Variants in PTPRG observed in about 807,000 individuals in gnomAD.
PTPRG encodes the protein protein tyrosine phosphatase receptor type G, also known as receptor-type tyrosine-protein phosphatase gamma.
Under a neutral mutation model 165.3 loss-of-function variants are expected in PTPRG, and 102 were observed. The observed-to-expected ratio is 0.62, with a 90% CI of 0.53 to 0.73. The LOEUF is 0.73. Ranked by LOEUF, PTPRG falls within the 30% of genes least tolerant of loss-of-function variation. The pLI, the probability that PTPRG is intolerant of heterozygous loss-of-function variation, is 0.00. For synonymous variants in PTPRG, 675 were observed against 669.5 expected, an observed-to-expected ratio of 1.01 and a Z score of -0.13; for missense variants, 1,866 against 1,861.4, an observed-to-expected ratio of 1.00 and a Z score of -0.05.
chr3:62,264,872 C>A (rs1052438150), intron 17 of PTPRG, among the ~76,000 whole-genome samples: 1 of 151,588 alleles, frequency 6.6e-6, no homozygotes. Flanking sequence ...CTATCAAACT[C>A]TTTTCCAAAG....
chr3:62,209,882 A>G (rs1010155065), intron 12 of PTPRG, among the ~76,000 whole-genome samples: 1 of 152,178 alleles, frequency 6.6e-6, no homozygotes, highest in Non-Finnish European at 1.5e-5. Flanking sequence ...TGGAGTCAAG[A>G]ATTCAGGTTG....
chr3:61,576,120 A>G (rs1261923025), intron 1 of PTPRG, among the ~76,000 whole-genome samples: 1 of 152,222 alleles, frequency 6.6e-6, no homozygotes, highest in Non-Finnish European at 1.5e-5. Context: ...GGCTGTTGTC[A>G]TGCTTTCTTC....
intron 28 of PTPRG, 46 bp downstream of exon 28, chr3:62,282,915 T>C: frequency 6.5e-7 from 1 of 1,545,842 alleles, no homozygotes; most frequent in Non-Finnish European, 8.8e-7. Flanking sequence ...GTTTTTTTGT[T>C]TAATTTCTTG....
At chr3:61,883,333 G>A (rs1020752754) in intron 2 of PTPRG, among the ~76,000 whole-genome samples, 2 of 152,152 alleles carry the variant, frequency 1.3e-5, no homozygotes, top group Admixed American at 6.5e-5. Flanking sequence ...GGCTCCTGAT[G>A]TTCCTTGTTT....
chr3:61,572,111 A>G (rs1277072891), intron 1 of PTPRG, among the ~76,000 whole-genome samples: 2 of 152,154 alleles, frequency 1.3e-5, no homozygotes, highest in Admixed American at 1.3e-4. Context: ...TTTTCCTGTG[A>G]GGGTTTGCTT....
chr3:62,064,094 T>C (rs1299555168), intron 4 of PTPRG, among the ~76,000 whole-genome samples: 1 of 151,490 alleles, frequency 6.6e-6, no homozygotes, highest in Non-Finnish European at 1.5e-5. Flanking sequence ...GTTTTGTTCT[T>C]TTTTGGTTTT....
intron 2 of PTPRG, among the ~76,000 whole-genome samples, chr3:61,848,777 T>A (rs1269759896): frequency 6.6e-6 from 1 of 152,288 alleles, no homozygotes; most frequent in East Asian, 1.9e-4. Context: ...CATGTATACA[T>A]GTGTAAAATA....
chr3:61,957,353 T>C (rs559950757), intron 2 of PTPRG, among the ~76,000 whole-genome samples: 8 of 152,372 alleles, frequency 5.3e-5, no homozygotes, highest in African/African-American at 1.7e-4. Context: ...AGTTTTTATA[T>C]GCTTTTTAGT....
chr3:61,927,458 G>T (rs1470617247), intron 2 of PTPRG, among the ~76,000 whole-genome samples: 3 of 152,200 alleles, frequency 2.0e-5, no homozygotes, highest in African/African-American at 7.2e-5. Context: ...CAGTTGGGCA[G>T]CTCTCCCACT....
chr3:61,718,608 CA>C (rs960472559), intron 1 of PTPRG, among the ~76,000 whole-genome samples: 1 of 152,126 alleles, frequency 6.6e-6, no homozygotes, highest in Non-Finnish European at 1.5e-5. Context: ...GAAACAAAAT[CA>C]GGAAAAACCG....
At chr3:62,149,088 A>G (rs1704228942) in intron 6 of PTPRG, among the ~76,000 whole-genome samples, 1 of 152,132 alleles carries the variant, frequency 6.6e-6, no homozygotes, top group Admixed American at 6.5e-5. Flanking sequence ...AGCCTTGCAG[A>G]TGGCCCTACT....
chr3:61,713,890 A>G (rs1022002746), intron 1 of PTPRG, among the ~76,000 whole-genome samples: 1 of 152,226 alleles, frequency 6.6e-6, no homozygotes, highest in Non-Finnish European at 1.5e-5. Flanking sequence ...TTAAATGTTA[A>G]AAAGGCATTA....
In PTPRG at chr3:62,269,081, GA is replaced by G; in HGVS notation, c.2924del (p.Asn975ThrfsTer6). The G allele has an allele frequency of 6.2e-7, 1 of 1,606,540 alleles. No individual in the cohort carries two copies. The highest frequency in any genetic ancestry group is 8.5e-7 in the Non-Finnish European group (1 of 1,174,308). ...CCAACAGAGAACAGTGAGGAATATG[GA>G]AACATTATTGTCACGCTGAAGAGCA... ...YWPTENSEEY[G>X]NIIVTLKSTK... On this transcript the variant is annotated frameshift_variant, in exon 20 of 30. Transcript: ENST00000474889. LOFTEE classifies it high-confidence loss of function.
chr3:61,662,018 C>T (rs1702682391), intron 1 of PTPRG, among the ~76,000 whole-genome samples: 1 of 152,142 alleles, frequency 6.6e-6, no homozygotes, highest in South Asian at 2.1e-4. Context: ...AGCACACTAA[C>T]AAATAGAAAC....
intron 2 of PTPRG, among the ~76,000 whole-genome samples, chr3:61,821,368 A>G (rs555244323): frequency 6.6e-6 from 1 of 152,112 alleles, no homozygotes; most frequent in South Asian, 2.1e-4. Context: ...ACGGGGTTTT[A>G]CCGTGTTAGC....
At chr3:61,837,952 A>G (rs974797827) in intron 2 of PTPRG, among the ~76,000 whole-genome samples, 1 of 152,096 alleles carries the variant, frequency 6.6e-6, no homozygotes, top group African/African-American at 2.4e-5. Flanking sequence ...TCTTACAGGG[A>G]CATCAGCCTT....
At chr3:61,619,285 G>A (rs1701386462) in intron 1 of PTPRG, among the ~76,000 whole-genome samples, 2 of 152,140 alleles carry the variant, frequency 1.3e-5, no homozygotes, top group African/African-American at 4.8e-5. Context: ...ATTTCTGTAT[G>A]GAGTTCTATA....
intron 4 of PTPRG, among the ~76,000 whole-genome samples, chr3:62,006,367 T>C (rs1191443684): frequency 1.3e-5 from 2 of 152,220 alleles, no homozygotes; most frequent in African/African-American, 4.8e-5. Context: ...GTCTGTGATA[T>C]TTTATGTTAA....
intron 2 of PTPRG, among the ~76,000 whole-genome samples, chr3:61,922,719 C>T (rs983780802): frequency 6.6e-6 from 1 of 152,236 alleles, no homozygotes; most frequent in Non-Finnish European, 1.5e-5. Context: ...TGGCTCACTG[C>T]AGCCTCGGCT....
Sources: gnomAD v4.1 joint callset for allele counts (sites outside exome capture counted in the v4.1 genomes callset) on GRCh38, gnomAD v4.1.1 for gene constraint, MANE v1.5 for transcripts, NCBI Gene and HGNC (gene_info 2026-07-23, HGNC 2026-07-21) for gene names.